SEMA3E: variants seen among roughly 807,000 people sequenced by gnomAD.
SEMA3E encodes semaphorin 3E, also known as semaphorin-3E.
Under a neutral mutation model 93.6 loss-of-function variants are expected in SEMA3E, and 49 were observed. That is an observed-to-expected ratio of 0.52 (90% CI 0.42 to 0.66). The LOEUF is 0.66. Among genes scored for constraint, SEMA3E ranks in the 30% least tolerant of loss-of-function variants. SEMA3E has a pLI of 0.00. For synonymous variants in SEMA3E, 363 were observed against 330.7 expected, an observed-to-expected ratio of 1.10 and a Z score of -1.06; for missense variants, 906 against 964.8, an observed-to-expected ratio of 0.94 and a Z score of 0.81.
At chr7:83,509,959 C>A (rs1790783430) in intron 1 of SEMA3E, among the ~76,000 whole-genome samples, 1 of 152,054 alleles carries the variant, frequency 6.6e-6, no homozygotes. Context: ...TACTTAATCC[C>A]AAGTCAATAA....
At chr7:83,544,667 C>T (rs1253922944) in intron 1 of SEMA3E, among the ~76,000 whole-genome samples, 1 of 152,092 alleles carries the variant, frequency 6.6e-6, no homozygotes, top group Non-Finnish European at 1.5e-5. Flanking sequence ...TCATGATTTA[C>T]ATCGTTTCCC....
At chr7:83,641,163 G>A (rs928040684) in intron 1 of SEMA3E, among the ~76,000 whole-genome samples, 6 of 152,160 alleles carry the variant, frequency 3.9e-5, no homozygotes, top group Non-Finnish European at 8.8e-5. Flanking sequence ...ATAAATAGTT[G>A]TCCAGGATTC....
chr7:83,418,410 G>C lies in SEMA3E; in HGVS notation c.530C>G (p.Ser177Cys). ...ATTACCAATTAAAGTGGAGATGAAG[G>C]AGGAGCTGGGGTCAAAAGGACATCT... ...RGRCPFDPSSSFISTLIGSEL... is the reference protein window; with the variant it reads ...RGRCPFDPSSCFISTLIGSEL... The change falls in exon 5 of 17, where the codon TCC (serine) becomes TGC (cysteine). Residue 177 changes from serine to cysteine, a missense_variant. Coordinates refer to ENST00000643230, the MANE Select transcript of SEMA3E (RefSeq NM_012431.3). 6.2e-7 allele frequency: 1 copy of C among 1,611,188 alleles called. No homozygotes were observed. Among genetic ancestry groups the C allele is most frequent in the Non-Finnish European group, 8.5e-7 (1 of 1,178,346 alleles).
intron 4 of SEMA3E, among the ~76,000 whole-genome samples, chr7:83,456,549 T>G (rs1394181724): frequency 6.6e-6 from 1 of 151,954 alleles, no homozygotes; most frequent in East Asian, 1.9e-4. Context: ...CTTTCAGCAT[T>G]CTTAGACTTT....
intron 4 of SEMA3E, among the ~76,000 whole-genome samples, chr7:83,444,957 C>A (rs1266119506): frequency 6.6e-6 from 1 of 152,122 alleles, no homozygotes; most frequent in African/African-American, 2.4e-5. Flanking sequence ...AGGCGTGAGC[C>A]ACCGTGACCA....
chr7:83,426,338 A>G (rs1788768792), intron 4 of SEMA3E, among the ~76,000 whole-genome samples: 2 of 152,212 alleles, frequency 1.3e-5, no homozygotes, highest in East Asian at 1.9e-4. Context: ...GTGCCCATCA[A>G]CAGTGGATTG....
chr7:83,606,729 ATG>A (rs1793129771), intron 1 of SEMA3E, among the ~76,000 whole-genome samples: 1 of 148,124 alleles, frequency 6.8e-6, no homozygotes, highest in Non-Finnish European at 1.5e-5. Context: ...AACCTGCACA[ATG>A]TGCACATGTA....
chr7:83,457,638 C>G (rs55650354), intron 4 of SEMA3E, among the ~76,000 whole-genome samples: 2 of 151,976 alleles, frequency 1.3e-5, no homozygotes, highest in African/African-American at 4.8e-5. Flanking sequence ...TCTCTCATAA[C>G]GATCATGTAA....
At chr7:83,369,197 G>A (rs1794718307) in intron 16 of SEMA3E, among the ~76,000 whole-genome samples, 2 of 152,188 alleles carry the variant, frequency 1.3e-5, no homozygotes, top group African/African-American at 2.4e-5. Flanking sequence ...ATTCTTCTTT[G>A]TCAATATAAA....
intron 1 of SEMA3E, among the ~76,000 whole-genome samples, chr7:83,493,103 T>C (rs1489365577): frequency 6.6e-6 from 1 of 151,992 alleles, no homozygotes; most frequent in Non-Finnish European, 1.5e-5. Flanking sequence ...CTAAATTGCA[T>C]TTTTAAAATG....
chr7:83,645,969 T>C (rs1201226380), intron 1 of SEMA3E, among the ~76,000 whole-genome samples: 3 of 152,154 alleles, frequency 2.0e-5, no homozygotes, highest in Non-Finnish European at 2.9e-5. Context: ...TGTGTTTTCA[T>C]CTTAAAAGTG....
At chr7:83,431,612 C>T (rs1788885087) in intron 4 of SEMA3E, among the ~76,000 whole-genome samples, 1 of 152,102 alleles carries the variant, frequency 6.6e-6, no homozygotes, top group African/African-American at 2.4e-5. Flanking sequence ...CCATGTTGGC[C>T]TGGCTGGTCT....
intron 2 of SEMA3E, among the ~76,000 whole-genome samples, chr7:83,485,563 A>T (rs1488641474): frequency 6.6e-6 from 1 of 152,186 alleles, no homozygotes; most frequent in African/African-American, 2.4e-5. Flanking sequence ...AACAAAAGGC[A>T]ATCCCGGAAG....
chr7:83,404,942 G>A (rs538099200), intron 9 of SEMA3E, among the ~76,000 whole-genome samples: 1 of 152,056 alleles, frequency 6.6e-6, no homozygotes, highest in South Asian at 2.1e-4. Context: ...AACTAGCAAA[G>A]TAGACACTGA....
intron 1 of SEMA3E, chr7:83,612,445 A>G (rs960379681): frequency 6.6e-5 from 10 of 152,144 alleles, no homozygotes; most frequent in Admixed American, 6.6e-5. Flanking sequence ...AAATCCAAAG[A>G]TCAATCCTAT....
At chr7:83,555,116 A>C (rs1791860362) in intron 1 of SEMA3E, among the ~76,000 whole-genome samples, 1 of 152,180 alleles carries the variant, frequency 6.6e-6, no homozygotes, top group African/African-American at 2.4e-5. Flanking sequence ...CTTGAATTTC[A>C]TTAAGTACTG....
chr7:83,476,783 T>C (rs1790020272), intron 2 of SEMA3E, among the ~76,000 whole-genome samples: 1 of 152,166 alleles, frequency 6.6e-6, no homozygotes, highest in Non-Finnish European at 1.5e-5. Context: ...ATTAAGCTAT[T>C]TGTTCTGCAC....
chr7:83,593,280 C>CTGTGTGTG (rs1562846697), intron 1 of SEMA3E, among the ~76,000 whole-genome samples: 1 of 109,196 alleles, frequency 9.2e-6, no homozygotes, highest in African/African-American at 4.4e-5. Flanking sequence ...CTCTCTCTCT[C>CTGTGTGTG]TCTCTGTGTG....
intron 1 of SEMA3E, among the ~76,000 whole-genome samples, chr7:83,493,485 A>G (rs1194383812): frequency 6.6e-6 from 1 of 151,974 alleles, no homozygotes; most frequent in Non-Finnish European, 1.5e-5. Flanking sequence ...ATAGGTAATA[A>G]ATTGAGAAAT....
Sources: allele counts gnomAD v4.1 joint callset (sites outside exome capture counted in the v4.1 genomes callset), GRCh38; gene constraint gnomAD v4.1.1; transcripts MANE v1.5; gene names NCBI Gene and HGNC (gene_info 2026-07-23, HGNC 2026-07-21).